The following CERCAM variants were observed in gnomAD, a reference collection of about 807,000 sequenced individuals.
CERCAM encodes the protein inactive glycosyltransferase 25 family member 3.
A neutral mutation model predicts 66.0 loss-of-function variants in CERCAM; 59 were observed. The ratio of observed to expected loss-of-function variants is 0.89; its 90% CI spans 0.73 to 1.11. CERCAM has a LOEUF of 1.11. Ranked by LOEUF, CERCAM falls within the 50% of genes most tolerant of loss-of-function variation. The pLI, the probability that CERCAM is intolerant of heterozygous loss-of-function variation, is 0.00. For missense variants in CERCAM, 840 were observed against 828.3 expected (o/e 1.01, Z -0.17); for synonymous variants, 318 against 343.6 (o/e 0.93, Z 0.83).
In CERCAM at chr9:128,434,743, C is replaced by T. The variant is rs1564432339; in HGVS notation, c.1535+130C>T. ...GACTGGCAAGGCCAAGCCACTTGGC[C>T]CAGGTCACCAAGGAGTGGCTCAGCC... On this transcript the variant is annotated intron_variant, in intron 11 of 12. Transcript: ENST00000372838. This position sits in a 1 kb window ranked among gnomAD's most constrained non-coding sequence, Gnocchi z 4.5. 3.5e-6 allele frequency: 3 copies of T among 862,762 alleles called. No individual in the cohort carries two copies. The highest frequency in any genetic ancestry group is 5.3e-6 in the Non-Finnish European group (3 of 564,732). The allele number at this position is 862,762 out of a possible 1,614,324, so 53.4% of individuals were successfully genotyped here.
At chr9:128,421,135 C>G in intron 1 of CERCAM, 61 bp downstream of exon 1, 9 of 1,262,588 alleles carry the variant, frequency 7.1e-6, no homozygotes, top group Non-Finnish European at 9.0e-6. Context: ...CAGATGGCCC[C>G]CGCCCCCGGC....
At chr9:128,425,516 T>G (rs915831398) in intron 5 of CERCAM, among the ~76,000 whole-genome samples, 2 of 142,250 alleles carry the variant, frequency 1.4e-5, no homozygotes, top group Non-Finnish European at 3.1e-5. Flanking sequence ...TTTTCTGCCC[T>G]TTTTTTTTTT....
At chr9:128,422,730 T>G in intron 1 of CERCAM, 138 bp from the exon 2 acceptor site, 2 of 961,358 alleles carry the variant, frequency 2.1e-6, no homozygotes, top group East Asian at 5.3e-5. Flanking sequence ...GCCTCCAGCC[T>G]CTCTGCTGTA....
rs1834074195 is a variant in CERCAM, at chr9:128,434,970, C to T, written c.1535+357C>T. ...GGGATTACAGGGAAGTGCCACCACA[C>T]CCTGCTAATTTTTATTTATTTATTT... On this transcript the variant is annotated intron_variant, in intron 11 of 12. Coordinates refer to ENST00000372838, the MANE Select transcript of CERCAM (RefSeq NM_016174.5). This position sits in a 1 kb window ranked among gnomAD's most constrained non-coding sequence, Gnocchi z 4.5. Among the ~76,000 whole-genome samples the T allele has an allele frequency of 7.1e-6, 1 of 140,386 alleles. No homozygotes were observed. The highest frequency in any genetic ancestry group is 1.5e-5 in the Non-Finnish European group (1 of 65,144). 92.1% of individuals were successfully genotyped at this position (140,386 alleles called of 152,430 possible). A position where few individuals can be genotyped will look rare whatever the true frequency, so the allele number is the denominator to read the frequency against.
At position 128,429,058 on chromosome 9, in the gene CERCAM, G is replaced by T. The variant is rs376068719; in HGVS notation, c.1070+22G>T. On this transcript the variant is annotated intron_variant, in intron 8 of 12. Transcript: ENST00000372838. ...GCTGGTGAGCCTGCCTGGTGGGGGGGGCCCTGTGCGCTTGGGGAAGCAGTG... is the reference window on the plus strand; with the variant it reads ...GCTGGTGAGCCTGCCTGGTGGGGGGTGCCCTGTGCGCTTGGGGAAGCAGTG... 360 of 1,551,420 alleles carry T rather than the reference G, an allele frequency of 2.3e-4. No homozygotes were observed. In the African/African-American group the frequency reaches 4.2e-3, roughly 18 times the overall value.
At position 128,423,170 on chromosome 9, in the gene CERCAM, C is replaced by A. The variant is rs781534163; in HGVS notation, c.333C>A (p.Pro111=). 6.2e-7 allele frequency: 1 copy of A among 1,614,106 alleles called. No individual in the cohort carries two copies. Among genetic ancestry groups the A allele is most frequent in the Non-Finnish European group, 8.5e-7 (1 of 1,180,012 alleles). ...EPRFYPDEEG[P]KHWTKERHQF... ...GGTTCTACCCAGATGAAGAGGGTCC[C>A]AAGCACTGGACCAAAGAAAGGCACC... The change falls in exon 3 of 13, where the codon CCC becomes CCA. Residue 111 remains proline (P), a synonymous_variant. Coordinates refer to ENST00000372838, the MANE Select transcript of CERCAM (RefSeq NM_016174.5).
rs753075107 is a variant in CERCAM, at chr9:128,435,696, T to G, written c.1579T>G (p.Phe527Val). 2.2e-4 allele frequency: 355 copies of G among 1,613,704 alleles called. No homozygotes were observed. The highest frequency in any genetic ancestry group is 2.6e-4 in the Non-Finnish European group (307 of 1,179,962). The change falls in exon 12 of 13, where the codon TTC (phenylalanine) becomes GTC (valine). Residue 527 changes from phenylalanine (F) to valine (V), a missense_variant. Transcript: ENST00000372838. ...AHFWPRDLVA[F>V]SAQPLLAAPT... ...CTTCTGGCCACGGGACCTGGTGGCC[T>G]TCTCCGCCCAGCCCCTGCTCGCTGC...
At position 128,422,948 on chromosome 9, in the gene CERCAM, C is replaced by T. The variant is rs773782846; in HGVS notation, c.278C>T (p.Ala93Val). The change falls in exon 2 of 13, where the codon GCT (alanine) becomes GTT (valine). Residue 93 changes from alanine (A) to valine (V), a missense_variant. Coordinates refer to ENST00000372838, the MANE Select transcript of CERCAM (RefSeq NM_016174.5). ...GCGGCTGTGGGCGATGACTATGCTG[C>T]TGTGGTCTGGAGGCCTGAGGGCGAG... ...WLAAVGDDYAAVVWRPEGEPR... is the reference protein window; with the variant it reads ...WLAAVGDDYAVVVWRPEGEPR... 8.7e-6 allele frequency: 14 copies of T among 1,613,668 alleles called. No individual in the cohort carries two copies. Among genetic ancestry groups the T allele is most frequent in the Non-Finnish European group, 8.5e-7 (1 of 1,179,990 alleles).
chr9:128,427,708 T>C (rs1220408171), intron 5 of CERCAM: 1 of 150,790 alleles, frequency 6.6e-6, no homozygotes, highest in Non-Finnish European at 1.5e-5. Context: ...GAGGTTGTAA[T>C]GAGCCAAGAT....
At chr9:128,432,917 C>T (rs1472535137) in intron 9 of CERCAM, among the ~76,000 whole-genome samples, 2 of 151,384 alleles carry the variant, frequency 1.3e-5, no homozygotes, top group African/African-American at 2.4e-5. Context: ...AGACAGATCA[C>T]GAGGTCAGGA....
chr9:128,423,020 A>G (rs1166739774), intron 2 of CERCAM, 42 bp downstream of exon 2: 1 of 1,612,926 alleles, frequency 6.2e-7, no homozygotes, highest in East Asian at 2.2e-5. Flanking sequence ...GATGGAGAAC[A>G]GCTGCAGCCC....
Position 128,434,637 on chromosome 9 carries a change from C to T in CERCAM, c.1535+24C>T. 1 of 1,594,422 alleles carries T rather than the reference C, an allele frequency of 6.3e-7. No individual in the cohort carries two copies. Among genetic ancestry groups the T allele is most frequent in the Non-Finnish European group, 8.5e-7 (1 of 1,173,132 alleles). ...AAGTGAGGCTCTGATGGGGGCCGGG[C>T]ATGGCAGGGCAGAGGCGTCCCCTCC... On this transcript the variant is annotated intron_variant, in intron 11 of 12. Transcript: ENST00000372838. This position sits in a 1 kb window ranked among gnomAD's most constrained non-coding sequence, Gnocchi z 4.5.
chr9:128,427,271 G>C (rs80325097), intron 5 of CERCAM, among the ~76,000 whole-genome samples: 49,600 of 151,666 alleles, frequency 0.33, 11,392 homozygotes, highest in African/African-American at 0.65. Flanking sequence ...CACCACCACA[G>C]CCGGTTAATT....
rs1167048262 is a variant in CERCAM at position 128,428,841 on chromosome 9, C to T, written c.963+8C>T. On this transcript the variant is annotated splice_region_variant and intron_variant, in intron 7 of 12. Transcript: ENST00000372838. ...AAGATAGGGTTTGACGAGGTAAGTCCCCCAGCCTGTGGGCTCGCTGTTAGG... is the reference window on the plus strand; with the variant it reads ...AAGATAGGGTTTGACGAGGTAAGTCTCCCAGCCTGTGGGCTCGCTGTTAGG... The T allele has an allele frequency of 1.9e-6, 3 of 1,613,860 alleles. No homozygotes were observed. The highest frequency in any genetic ancestry group is 1.6e-4 in the Middle Eastern group (1 of 6,062).
At chr9:128,430,902 G>A (rs1469627171) in intron 8 of CERCAM, 1 of 317,856 alleles carries the variant, frequency 3.1e-6, no homozygotes, top group Non-Finnish European at 5.8e-6. Context: ...TCAGCTACTT[G>A]TGAGGCTGAG....
At position 128,428,919 on chromosome 9, in the gene CERCAM, G is replaced by C; in HGVS notation, c.964-11G>C. 6.2e-7 allele frequency: 1 copy of C among 1,607,396 alleles called. No individual in the cohort carries two copies. ...CCTTGCACTTACCGCCCACCCCCCT[G>C]CCTCCTCCAGGTCTTTGTCATCAGC... is the stretch of plus-strand genomic sequence containing the variant. On this transcript the variant is annotated splice_polypyrimidine_tract_variant and intron_variant, in intron 7 of 12. Coordinates refer to ENST00000372838, the MANE Select transcript of CERCAM (RefSeq NM_016174.5).
rs374752045 is a variant in CERCAM at position 128,423,099 on chromosome 9, G to A, written c.309-47G>A. On this transcript the variant is annotated intron_variant, in intron 2 of 12. Transcript: ENST00000372838. ...GGCTCTGTCCACTGCCCTGCAGAGA[G>A]GGAGGGGCATGTACCCCATGGGAAC... 4.3e-5 allele frequency: 65 copies of A among 1,496,148 alleles called. 1 individual carries two copies. In the Admixed American group the frequency reaches 9.2e-4, roughly 21 times the overall value. 92.7% of individuals were successfully genotyped at this position (1,496,148 alleles called of 1,614,324 possible).
rs1414004194 is a variant in CERCAM, at chr9:128,421,086, G to T, written c.197+12G>T. The T allele has an allele frequency of 7.0e-6, 9 of 1,286,440 alleles. No individual in the cohort carries two copies. The highest frequency in any genetic ancestry group is 8.9e-6 in the Non-Finnish European group (9 of 1,014,280). 79.7% of individuals were successfully genotyped at this position (1,286,440 alleles called of 1,614,324 possible). ...AGGATGGCCCTCTGGTGAGAGACCC[G>T]GGCATTGGCACCGAGTGGGCACCTA... On this transcript the variant is annotated intron_variant, in intron 1 of 12. Transcript: ENST00000372838.
intron 1 of CERCAM, 37 bp from the exon 2 acceptor site, chr9:128,422,831 G>T (rs142803457): frequency 1.2e-6 from 2 of 1,610,056 alleles, no homozygotes; most frequent in Admixed American, 1.7e-5. Flanking sequence ...CAATCCTGTG[G>T]CTGTGCCCCC....
Sources: allele counts gnomAD v4.1 joint callset (sites outside exome capture counted in the v4.1 genomes callset), GRCh38; gene constraint gnomAD v4.1.1; non-coding constraint Gnocchi (gnomAD v3.1); transcripts MANE v1.5; gene names NCBI Gene and HGNC (gene_info 2026-07-23, HGNC 2026-07-21).